NAV2: variants seen among roughly 807,000 people sequenced by gnomAD.
The protein encoded by NAV2 is neuron navigator 2.
Under a neutral mutation model 223.2 loss-of-function variants are expected in NAV2, and 54 were observed. That is an observed-to-expected ratio of 0.24 (90% CI 0.19 to 0.30). The LOEUF (loss-of-function observed/expected upper bound fraction) is 0.30. NAV2 is among the 10% of genes least tolerant of loss of function. The pLI is 1.00. For missense variants in NAV2, 2,806 were observed against 3,147.5 expected, an observed-to-expected ratio of 0.89 and a Z score of 2.60; for synonymous variants, 1,279 against 1,239.3, an observed-to-expected ratio of 1.03 and a Z score of -0.67.
At chr11:19,770,929 A>G (rs1015153104) in intron 1 of NAV2, among the ~76,000 whole-genome samples, 3 of 152,266 alleles carry the variant, frequency 2.0e-5, no homozygotes, top group African/African-American at 7.2e-5. Flanking sequence ...GTGAGGTCTC[A>G]CTCAAGATGC....
At chr11:19,405,929 T>A (rs78348500) in intron 1 of NAV2, among the ~76,000 whole-genome samples, 2 of 152,128 alleles carry the variant, frequency 1.3e-5, no homozygotes, top group South Asian at 4.1e-4. Context: ...CATAATTATC[T>A]TGGTTTGGAT....
chr11:19,834,601 A>G (rs1468102553), intron 2 of NAV2, among the ~76,000 whole-genome samples: 1 of 151,226 alleles, frequency 6.6e-6, no homozygotes, highest in Non-Finnish European at 1.5e-5. Flanking sequence ...TACCACTTGC[A>G]TCTGAGCTGG....
chr11:19,481,376 G>A (rs1218626014), intron 1 of NAV2, among the ~76,000 whole-genome samples: 1 of 152,238 alleles, frequency 6.6e-6, no homozygotes, highest in East Asian at 1.9e-4. Context: ...CCCCAGGTGA[G>A]GACATCTATA....
intron 11 of NAV2, among the ~76,000 whole-genome samples, chr11:20,013,980 C>G (rs979733903): frequency 6.6e-6 from 1 of 152,254 alleles, no homozygotes; most frequent in Non-Finnish European, 1.5e-5. Flanking sequence ...AGCTTCTGTT[C>G]TGTTCCGGTG....
At chr11:19,673,328 G>T (rs1590069005) in intron 1 of NAV2, among the ~76,000 whole-genome samples, 1 of 152,358 alleles carries the variant, frequency 6.6e-6, no homozygotes, top group Middle Eastern at 3.4e-3. Context: ...CTTATGCACA[G>T]AATTTTAATT....
chr11:19,389,201 C>T (rs2133201150), intron 1 of NAV2, among the ~76,000 whole-genome samples: 1 of 152,340 alleles, frequency 6.6e-6, no homozygotes, highest in Middle Eastern at 3.4e-3. Context: ...GCTGTCCATC[C>T]TGTCTGCTAG....
At chr11:19,825,933 C>G (rs528033127) in intron 1 of NAV2, among the ~76,000 whole-genome samples, 1 of 152,268 alleles carries the variant, frequency 6.6e-6, no homozygotes, top group South Asian at 2.1e-4. Flanking sequence ...AGCTTTCCTT[C>G]CCCTTTTATC....
intron 11 of NAV2, 48 bp downstream of exon 11, chr11:19,984,295 G>C (rs759846261): frequency 6.2e-7 from 1 of 1,606,500 alleles, no homozygotes; most frequent in Non-Finnish European, 8.5e-7. Flanking sequence ...GTGATCCCAG[G>C]GGGGCCCTGA....
intron 1 of NAV2, among the ~76,000 whole-genome samples, chr11:19,367,396 A>G (rs1007143475): frequency 2.0e-5 from 3 of 152,046 alleles, no homozygotes; most frequent in African/African-American, 7.3e-5. Context: ...TGTTTCCCCT[A>G]CTTGAAAATG....
At position 19,563,470 on chromosome 11, in the gene NAV2, C is replaced by A. The variant is rs1242974167; in HGVS notation, c.75+212443C>A. ...CAGAGTCGATTTTTGTCTGTAACAA[C>A]TGTAAAGTAAAATGAACACCTTGGT... On this transcript the variant is annotated intron_variant, in intron 1 of 37. Coordinates refer to the NAV2 transcript ENST00000360655. Among the ~76,000 whole-genome samples the A allele has an allele frequency of 3.3e-5, 5 of 149,428 alleles. No individual in the cohort carries two copies. In the East Asian group the frequency reaches 1.1e-3, roughly 32 times the overall value.
chr11:19,648,547 G>C (rs1399877653), intron 1 of NAV2, among the ~76,000 whole-genome samples: 1 of 152,178 alleles, frequency 6.6e-6, no homozygotes, highest in Non-Finnish European at 1.5e-5. Context: ...ATGAGTCTCA[G>C]AAGCCCAGTC....
intron 1 of NAV2, among the ~76,000 whole-genome samples, chr11:19,510,509 C>A (rs940676381): frequency 3.3e-5 from 5 of 152,316 alleles, no homozygotes; most frequent in Admixed American, 2.6e-4. Context: ...GTCGGGCGAT[C>A]CTAGCAGATG....
chr11:19,514,788 A>C (rs2043391225), intron 1 of NAV2, among the ~76,000 whole-genome samples: 1 of 151,928 alleles, frequency 6.6e-6, no homozygotes, highest in South Asian at 2.1e-4. Context: ...AAGAGGGAAA[A>C]GCTTTGGACT....
intron 1 of NAV2, among the ~76,000 whole-genome samples, chr11:19,705,271 T>C (rs913263843): frequency 6.6e-6 from 1 of 152,172 alleles, no homozygotes; most frequent in African/African-American, 2.4e-5. Flanking sequence ...AAGCCCTAGG[T>C]GGTGCTCACT....
At chr11:19,372,168 G>A (rs768853315) in intron 1 of NAV2, among the ~76,000 whole-genome samples, 39 of 152,134 alleles carry the variant, frequency 2.6e-4, no homozygotes, top group Non-Finnish European at 4.9e-4. Context: ...GCTACTAAAG[G>A]CATCATGTTT....
chr11:19,669,250 C>T (rs16937095), intron 1 of NAV2, among the ~76,000 whole-genome samples: 6,976 of 152,314 alleles, frequency 0.046, 221 homozygotes, highest in African/African-American at 0.083. Flanking sequence ...TGTTGGACAC[C>T]TACATGCACT....
intron 1 of NAV2, among the ~76,000 whole-genome samples, chr11:19,668,532 CA>C (rs762975832): frequency 0.013 from 852 of 64,848 alleles, 8 homozygotes; most frequent in African/African-American, 0.053. Context: ...GACTCGGTCT[CA>C]AAAAAAAAAA....
intron 1 of NAV2, among the ~76,000 whole-genome samples, chr11:19,734,645 G>T (rs1338151907): frequency 1.3e-5 from 2 of 152,208 alleles, no homozygotes; most frequent in Admixed American, 1.3e-4. Context: ...GGCTAATGAA[G>T]GTGGGGATGT....
At chr11:19,908,315 CTG>C (rs1454632988) in intron 6 of NAV2, among the ~76,000 whole-genome samples, 2 of 152,116 alleles carry the variant, frequency 1.3e-5, no homozygotes, top group Non-Finnish European at 2.9e-5. Context: ...GGAAGTAACA[CTG>C]TGGTGGGGTG....
Sources: gnomAD v4.1 joint callset for allele counts (sites outside exome capture counted in the v4.1 genomes callset) on GRCh38, gnomAD v4.1.1 for gene constraint, MANE v1.5 for transcripts, NCBI Gene and HGNC (gene_info 2026-07-23, HGNC 2026-07-21) for gene names.